PCDHGB1: variants seen among roughly 807,000 people sequenced by gnomAD.
PCDHGB1 encodes protocadherin gamma subfamily B, 1.
PCDHGB1 carries 34 observed loss-of-function variants against 56.6 expected under a neutral mutation model. The observed-to-expected ratio is 0.60, with a 90% CI of 0.46 to 0.80. The LOEUF is 0.80. Ranked by LOEUF, PCDHGB1 falls within the 30% of genes least tolerant of loss-of-function variation. The pLI, the probability that PCDHGB1 is intolerant of heterozygous loss-of-function variation, is 0.00. For synonymous variants in PCDHGB1, 561 were observed against 505.9 expected (o/e 1.11, Z -1.46); for missense variants, 1,278 against 1,204.6 (o/e 1.06, Z -0.90).
chr5:141,415,585 C>G (rs1589974529), intron 1 of PCDHGB1: 5 of 1,613,900 alleles, frequency 3.1e-6, no homozygotes, highest in Non-Finnish European at 3.4e-6. Context: ...TTCGAAGTTT[C>G]CTATAGAGGA....
Position 141,490,721 on chromosome 5 carries a change from T to C in PCDHGB1, c.2410-4086T>C, listed in dbSNP as rs779242781. On this transcript the variant is annotated intron_variant, in intron 1 of 3. Coordinates refer to ENST00000523390, the MANE Select transcript of PCDHGB1 (RefSeq NM_018922.3). This position sits in a 1 kb window ranked among gnomAD's most constrained non-coding sequence, Gnocchi z 5.4. The stretch of plus-strand genomic sequence containing the variant: ...AATGCCCGCCTCACCTACTCCATTG[T>C]AGGAAATCAGGTTCAGGGAGCCCCA... 23 of 1,614,056 alleles carry C rather than the reference T, an allele frequency of 1.4e-5. No individual in the cohort carries two copies. The highest frequency in any genetic ancestry group is 6.6e-5 in the South Asian group (6 of 91,080).
At chr5:141,394,395 C>A (rs1238779909) in intron 1 of PCDHGB1, 3 of 1,614,146 alleles carry the variant, frequency 1.9e-6, no homozygotes, top group African/African-American at 1.3e-5. Context: ...GATCCGAGAC[C>A]TGCAGCTACT....
At chr5:141,374,887 C>T (rs1248527882) in intron 1 of PCDHGB1, 1 of 1,613,670 alleles carries the variant, frequency 6.2e-7, no homozygotes. Flanking sequence ...CTGCCACCGA[C>T]CAGGATGAAG....
chr5:141,404,838 C>T (rs1561696680), intron 1 of PCDHGB1: 1 of 1,613,850 alleles, frequency 6.2e-7, no homozygotes, highest in East Asian at 2.2e-5. Flanking sequence ...GTGCGCACAG[C>T]TCGGGCCCTG....
chr5:141,389,874 G>A, intron 1 of PCDHGB1: 1 of 1,614,072 alleles, frequency 6.2e-7, no homozygotes, highest in Non-Finnish European at 8.5e-7. Context: ...GGTCTTCGCC[G>A]ACAGCTTGCA....
At chr5:141,427,812 G>A (rs1380721111) in intron 1 of PCDHGB1, 1 of 1,524,286 alleles carries the variant, frequency 6.6e-7, no homozygotes, top group African/African-American at 1.4e-5. Context: ...CGCACAGAGC[G>A]GGGTGGTGGT....
chr5:141,352,223 A>G lies in PCDHGB1; in HGVS notation c.1963A>G (p.Thr655Ala), dbSNP rs770322900. ...GGQPPLSATA[T>A]LHLIFADSLQ... ...ACAGCCGCCACTCTCCGCCACCGCC[A>G]CGCTGCACCTAATCTTCGCGGATAG... The change falls in exon 1 of 4, where the codon ACG becomes GCG. Residue 655 changes from threonine (T) to alanine (A), a missense_variant. Coordinates refer to ENST00000523390, the MANE Select transcript of PCDHGB1 (RefSeq NM_018922.3). The G allele has an allele frequency of 1.2e-6, 2 of 1,614,072 alleles. No homozygotes were observed. The highest frequency in any genetic ancestry group is 1.7e-6 in the Non-Finnish European group (2 of 1,179,902).
rs778927487 is a variant in PCDHGB1, at chr5:141,364,377, C to A, written c.2409+11708C>A. On this transcript the variant is annotated intron_variant, in intron 1 of 3. Transcript: ENST00000523390. ...TGGGGCTGCGGAGAGCTGCTGCTGC[C>A]CTTCATGCTCCTGGGGACGCTGTGC... is the stretch of plus-strand genomic sequence containing the variant. 6.3e-6 allele frequency: 10 copies of A among 1,577,000 alleles called. No individual in the cohort carries two copies. In the South Asian group the frequency reaches 7.0e-5, roughly 11 times the overall value.
Position 141,431,948 on chromosome 5 carries a change from T to G in PCDHGB1, c.2410-62859T>G. ...AAATCTGCCCTTTAAATTAGAAAAA[T>G]CTTACGGAAATTACTATAGTTTAGT... is the stretch of plus-strand genomic sequence containing the variant. On this transcript the variant is annotated intron_variant, in intron 1 of 3. Transcript: ENST00000523390. The surrounding 1 kb of genome is among the most constrained non-coding windows in gnomAD (Gnocchi z 4.8). The G allele has an allele frequency of 6.2e-7, 1 of 1,614,076 alleles. No homozygotes were observed. The highest frequency in any genetic ancestry group is 8.5e-7 in the Non-Finnish European group (1 of 1,180,006).
chr5:141,359,079 T>A (rs1279133095), intron 1 of PCDHGB1, among the ~76,000 whole-genome samples: 1 of 151,956 alleles, frequency 6.6e-6, no homozygotes, highest in Non-Finnish European at 1.5e-5. Flanking sequence ...CAAAGGAGAG[T>A]TTTAGTTTCT....
rs181202785 is a variant in PCDHGB1, at chr5:141,458,320, G to A, written c.2410-36487G>A. On this transcript the variant is annotated intron_variant, in intron 1 of 3. Transcript: ENST00000523390. ...TTTAGATAAAATGACACAGACACAT[G>A]TGGAGTGGTTTTAAGGAGTGGAGAG... is the stretch of plus-strand genomic sequence containing the variant. Among the ~76,000 whole-genome samples the A allele has an allele frequency of 3.2e-3, 490 of 152,250 alleles. 4 individuals are homozygous for A. The highest frequency in any genetic ancestry group is 0.017 in the Middle Eastern group (5 of 294).
intron 1 of PCDHGB1, chr5:141,426,591 A>G: frequency 1.4e-5 from 5 of 369,676 alleles, no homozygotes; most frequent in South Asian, 7.9e-5. Context: ...CCTCTGTGTC[A>G]TACCCTTAGA....
chr5:141,364,528 C>G (rs1445482375), intron 1 of PCDHGB1: 43 of 1,614,048 alleles, frequency 2.7e-5, no homozygotes, highest in Non-Finnish European at 3.6e-5. Flanking sequence ...GAGTCCGCAT[C>G]GTCTCCAGAG....
chr5:141,354,985 C>A (rs949539037), intron 1 of PCDHGB1: 5 of 604,640 alleles, frequency 8.3e-6, no homozygotes, highest in Non-Finnish European at 1.3e-5. Flanking sequence ...TCGCTGTTCA[C>A]CAATCAGGGG....
intron 1 of PCDHGB1, among the ~76,000 whole-genome samples, chr5:141,446,827 C>A (rs922071842): frequency 6.6e-6 from 1 of 152,114 alleles, no homozygotes; most frequent in Non-Finnish European, 1.5e-5. Context: ...TGGGTAGATC[C>A]TTATAAGGCT....
intron 1 of PCDHGB1, among the ~76,000 whole-genome samples, chr5:141,458,869 A>G (rs2154566384): frequency 6.6e-6 from 1 of 152,264 alleles, no homozygotes; most frequent in East Asian, 1.9e-4. Context: ...AGTAGCTGGG[A>G]CTACAGGCAT....
intron 1 of PCDHGB1, among the ~76,000 whole-genome samples, chr5:141,482,329 T>A (rs1334833454): frequency 6.6e-6 from 1 of 152,160 alleles, no homozygotes; most frequent in Non-Finnish European, 1.5e-5. Context: ...ATAAAGAGAA[T>A]ATCTACTTTG....
chr5:141,372,313 A>G (rs774275406), intron 1 of PCDHGB1: 5 of 1,613,456 alleles, frequency 3.1e-6, no homozygotes, highest in Middle Eastern at 1.6e-4. Flanking sequence ...GCCGCCCGCC[A>G]GCGCCTGCTG....
At chr5:141,413,840 G>T (rs1323659502) in intron 1 of PCDHGB1, 1 of 1,613,306 alleles carries the variant, frequency 6.2e-7, no homozygotes, top group Non-Finnish European at 8.5e-7. Flanking sequence ...TCCGACGGGG[G>T]TGACCCTCTC....
Sources: allele counts gnomAD v4.1 joint callset (sites outside exome capture counted in the v4.1 genomes callset), GRCh38; gene constraint gnomAD v4.1.1; non-coding constraint Gnocchi (gnomAD v3.1); transcripts MANE v1.5; gene names NCBI Gene and HGNC (gene_info 2026-07-23, HGNC 2026-07-21).